PHLPP1: variants seen among roughly 807,000 people sequenced by gnomAD.
PHLPP1 encodes the protein PH domain and leucine rich repeat protein phosphatase 1, also known as PH domain leucine-rich repeat-containing protein phosphatase 1.
PHLPP1 carries 42 observed loss-of-function variants against 117.2 expected under a neutral mutation model. The ratio of observed to expected loss-of-function variants is 0.36; its 90% CI spans 0.28 to 0.46. The LOEUF is 0.46. Ranked by LOEUF, PHLPP1 falls within the 20% of genes least tolerant of loss-of-function variation. The probability of loss-of-function intolerance (pLI) is 1.00; values close to 1 mark genes in which losing one functional copy is unlikely to be tolerated. For missense variants in PHLPP1, 2,084 were observed against 2,241.9 expected (o/e 0.93, Z 1.42); for synonymous variants, 1,042 against 970.7 (o/e 1.07, Z -1.37).
chr18:62,853,798 C>G (rs781007733), intron 3 of PHLPP1, among the ~76,000 whole-genome samples: 1 of 152,196 alleles, frequency 6.6e-6, no homozygotes, highest in Non-Finnish European at 1.5e-5. Context: ...TATAACTGCT[C>G]AACGACGAGA....
intron 1 of PHLPP1, among the ~76,000 whole-genome samples, chr18:62,784,146 AGT>A (rs1171107546): frequency 6.6e-6 from 1 of 152,216 alleles, no homozygotes; most frequent in Non-Finnish European, 1.5e-5. Context: ...TGGGGCAGAC[AGT>A]GGGGTATGTC....
chr18:62,839,527 G>C (rs1010227977), intron 3 of PHLPP1: 2 of 151,514 alleles, frequency 1.3e-5, no homozygotes, highest in African/African-American at 4.9e-5. Context: ...GACCAGCCTG[G>C]CCAAAATGGT....
chr18:62,854,500 C>T (rs1357196621), intron 3 of PHLPP1, among the ~76,000 whole-genome samples: 2 of 152,188 alleles, frequency 1.3e-5, no homozygotes, highest in Non-Finnish European at 2.9e-5. Flanking sequence ...GAGGAGGACT[C>T]ACTGTCTCTG....
At chr18:62,784,866 G>A (rs892935859) in intron 1 of PHLPP1, among the ~76,000 whole-genome samples, 5 of 152,002 alleles carry the variant, frequency 3.3e-5, no homozygotes, top group Admixed American at 6.5e-5. Context: ...GTCTGTTCAG[G>A]GCAAAATGAG....
intron 14 of PHLPP1, among the ~76,000 whole-genome samples, chr18:62,968,694 C>T (rs944871494): frequency 1.3e-5 from 2 of 151,910 alleles, no homozygotes; most frequent in Non-Finnish European, 1.5e-5. Context: ...TGCGCCACCA[C>T]GCCCAGCTAA....
intron 10 of PHLPP1, among the ~76,000 whole-genome samples, chr18:62,939,638 C>CTTTTTTT (rs11373386): frequency 7.0e-6 from 1 of 143,638 alleles, no homozygotes. Flanking sequence ...CTCTAACTTC[C>CTTTTTTT]TTTTTTTTTT....
chr18:62,852,337 A>G (rs1483852351), intron 3 of PHLPP1, among the ~76,000 whole-genome samples: 1 of 151,892 alleles, frequency 6.6e-6, no homozygotes, highest in Admixed American at 6.6e-5. Context: ...GATGTAATTA[A>G]TTTTTATTTA....
intron 8 of PHLPP1, among the ~76,000 whole-genome samples, chr18:62,907,453 G>A (rs1916881603): frequency 2.4e-5 from 1 of 41,252 alleles, no homozygotes; most frequent in East Asian, 6.9e-4. Flanking sequence ...ATACAGAGAA[G>A]TGCTTAAAGG....
chr18:62,826,466 G>A (rs534378898), intron 1 of PHLPP1, among the ~76,000 whole-genome samples: 51 of 152,198 alleles, frequency 3.4e-4, no homozygotes, highest in African/African-American at 1.2e-3. Context: ...ACTAATATAC[G>A]TGGTCCTTGG....
At chr18:62,963,536 A>G in intron 14 of PHLPP1, 64 bp downstream of exon 14, 1 of 1,032,998 alleles carries the variant, frequency 9.7e-7, no homozygotes, top group Non-Finnish European at 1.5e-6. Flanking sequence ...TTAGTTGGGT[A>G]GAAAGAAACT....
chr18:62,780,813 A>G (rs996675412), intron 1 of PHLPP1, among the ~76,000 whole-genome samples: 24 of 152,214 alleles, frequency 1.6e-4, no homozygotes, highest in African/African-American at 5.8e-4. Flanking sequence ...TCCTTACTGT[A>G]TACTGATGCA....
At chr18:62,813,741 A>G (rs1043399868) in intron 1 of PHLPP1, among the ~76,000 whole-genome samples, 31 of 152,294 alleles carry the variant, frequency 2.0e-4, no homozygotes, top group Admixed American at 7.8e-4. Flanking sequence ...TGTTTTAGCA[A>G]GACTTCTAGG....
At chr18:62,924,821 A>G (rs894453193) in intron 10 of PHLPP1, among the ~76,000 whole-genome samples, 1 of 150,384 alleles carries the variant, frequency 6.6e-6, no homozygotes, top group African/African-American at 2.4e-5. Flanking sequence ...CCTGGGTTAC[A>G]GAGTGTGACC....
intron 12 of PHLPP1, among the ~76,000 whole-genome samples, chr18:62,945,760 A>G (rs1910265123): frequency 6.6e-6 from 1 of 152,218 alleles, no homozygotes; most frequent in Admixed American, 6.5e-5. Context: ...CTGTCACCAA[A>G]CATTGATTTC....
rs373749129 is a variant in PHLPP1 at position 62,945,230 on chromosome 18, A to G, written c.3283A>G (p.Ile1095Val). 6.2e-7 allele frequency: 1 copy of G among 1,609,582 alleles called. No homozygotes were observed. Among genetic ancestry groups the G allele is most frequent in the African/African-American group, 1.3e-5 (1 of 74,790 alleles). ...MHTVIAHSNC[I>V]EVFPEVMQLP... is the part of the protein sequence containing the mutation. Reference sequence around the variant, plus strand: ...CACCGTGATTGCTCACTCCAACTGCATCGAGGTCTTTCCCGAAGTTATGCA... The same window carrying G: ...CACCGTGATTGCTCACTCCAACTGCGTCGAGGTCTTTCCCGAAGTTATGCA... The change falls in exon 12 of 17, where the codon ATC becomes GTC. Residue 1095 changes from isoleucine (I) to valine (V), a missense_variant. By Grantham distance (29) the Ile-to-Val change is conservative. Around this residue, in one of 2 missense-constraint regions of PHLPP1, gnomAD observed 1,365 missense variants for 1,605.9 expected, o/e 0.85. Coordinates refer to ENST00000262719, the MANE Select transcript of PHLPP1 (RefSeq NM_194449.4).
intron 1 of PHLPP1, among the ~76,000 whole-genome samples, chr18:62,790,927 A>C (rs1217483685): frequency 6.6e-6 from 1 of 152,158 alleles, no homozygotes; most frequent in African/African-American, 2.4e-5. Flanking sequence ...TTTGCAGCTC[A>C]TGAGTCTGGG....
intron 1 of PHLPP1, among the ~76,000 whole-genome samples, chr18:62,754,802 C>T (rs999207240): frequency 2.6e-4 from 39 of 152,142 alleles, no homozygotes; most frequent in Non-Finnish European, 1.0e-4. Flanking sequence ...ATGTTCACGG[C>T]GTTACATTTC....
At chr18:62,733,821 C>G (rs573448391) in intron 1 of PHLPP1, among the ~76,000 whole-genome samples, 7 of 152,262 alleles carry the variant, frequency 4.6e-5, no homozygotes, top group South Asian at 4.2e-4. Flanking sequence ...GTTCTGGGAT[C>G]CTGAATTGTT....
chr18:62,750,553 T>C (rs907351693), intron 1 of PHLPP1, among the ~76,000 whole-genome samples: 2 of 152,214 alleles, frequency 1.3e-5, no homozygotes, highest in Admixed American at 1.3e-4. Flanking sequence ...AAAGCTGTGC[T>C]CAGATTCAGC....
Sources: allele counts gnomAD v4.1 joint callset (sites outside exome capture counted in the v4.1 genomes callset), GRCh38; gene constraint gnomAD v4.1.1; regional missense constraint gnomAD v4.1.1; transcripts MANE v1.5; gene names NCBI Gene and HGNC (gene_info 2026-07-23, HGNC 2026-07-21).